Variants in SCAMP4 observed in about 807,000 individuals in gnomAD.
SCAMP4 encodes the protein secretory carrier membrane protein 4, also known as secretory carrier-associated membrane protein 4.
SCAMP4 carries 19 observed loss-of-function variants against 32.1 expected under a neutral mutation model. The observed-to-expected ratio is 0.59, with a 90% CI of 0.41 to 0.87. SCAMP4 has a LOEUF of 0.87. SCAMP4 is among the 40% of genes least tolerant of loss of function. The pLI, the probability that SCAMP4 is intolerant of heterozygous loss-of-function variation, is 0.00. For missense variants in SCAMP4, 302 were observed against 309.0 expected (o/e 0.98, Z 0.17); for synonymous variants, 152 against 132.7 (o/e 1.15, Z -1.00).
In SCAMP4 at chr19:1,908,921, A is replaced by G. The variant is rs903729291; in HGVS notation, c.-42+3482A>G. ...GAGTTCCAAGACCAGCCTGGCCAAC[A>G]TGGTGGAACCCCGTCTCTACTGAAA... On this transcript the variant is annotated intron_variant, in intron 1 of 6. Coordinates refer to ENST00000316097, the MANE Select transcript of SCAMP4 (RefSeq NM_079834.4). This position sits in a 1 kb window ranked among gnomAD's most constrained non-coding sequence, Gnocchi z 4.2. Among the ~76,000 whole-genome samples, 2 of 151,914 alleles carry G rather than the reference A, an allele frequency of 1.3e-5. No individual in the cohort carries two copies. The highest frequency in any genetic ancestry group is 4.8e-5 in the African/African-American group (2 of 41,342).
intron 1 of SCAMP4, among the ~76,000 whole-genome samples, chr19:1,910,332 C>T (rs2013376563): frequency 6.6e-6 from 1 of 152,188 alleles, no homozygotes; most frequent in Non-Finnish European, 1.5e-5. Flanking sequence ...GCCACATGGC[C>T]CTTCTGTCTG....
At chr19:1,912,245 C>T in intron 1 of SCAMP4, 1 of 1,597,458 alleles carries the variant, frequency 6.3e-7, no homozygotes, top group Non-Finnish European at 8.5e-7. Context: ...CCGCGCCCGT[C>T]CTGGACAAGC....
At chr19:1,919,173 GCACCCAGC>G (rs1175698873) in intron 5 of SCAMP4, 183 bp downstream of exon 5, 7 of 1,428,248 alleles carry the variant, frequency 4.9e-6, no homozygotes, top group Non-Finnish European at 6.4e-6. Flanking sequence ...GTCCTCGCCA[GCACCCAGC>G]CATGGTTCGC....
At position 1,924,613 on chromosome 19, in the gene SCAMP4, GGGGGA is replaced by G; in HGVS notation, c.*330_*334del. ...TCTTCAGGTCTCGAGGCCTGACTCC[GGGGGA>G]CAGGTGGCAGCAGGTCGGCCGCCCT... On this transcript the variant is annotated 3_prime_UTR_variant, in exon 7 of 7. Coordinates refer to ENST00000316097, the MANE Select transcript of SCAMP4 (RefSeq NM_079834.4). The G allele has an allele frequency of 3.1e-6, 1 of 325,796 alleles. No individual in the cohort carries two copies. The highest frequency in any genetic ancestry group is 3.8e-5 in the South Asian group (1 of 26,454). 20.2% of individuals were successfully genotyped at this position (325,796 alleles called of 1,614,324 possible). A position where few individuals can be genotyped will look rare whatever the true frequency, so the allele number is the denominator to read the frequency against.
intron 5 of SCAMP4, chr19:1,920,095 G>A: frequency 4.7e-5 from 46 of 981,970 alleles, no homozygotes; most frequent in Non-Finnish European, 5.6e-5. Flanking sequence ...ACAGGCGTGA[G>A]CCACTGTGCC....
At chr19:1,917,279 C>T (rs2013762998) in intron 2 of SCAMP4, among the ~76,000 whole-genome samples, 1 of 152,178 alleles carries the variant, frequency 6.6e-6, no homozygotes, top group African/African-American at 2.4e-5. Flanking sequence ...GCCCTCTAGC[C>T]TGGGAGACAG....
chr19:1,920,607 C>G (rs893651700), intron 5 of SCAMP4: 2 of 985,352 alleles, frequency 2.0e-6, no homozygotes, highest in Non-Finnish European at 2.4e-6. Flanking sequence ...GCCTGGGACT[C>G]CCAGCTCTGC....
intron 5 of SCAMP4, chr19:1,919,559 C>T (rs1213399373): frequency 3.1e-6 from 2 of 641,286 alleles, no homozygotes; most frequent in African/African-American, 4.3e-5. Context: ...CGCAGTGGTG[C>T]AATCTCAGCT....
chr19:1,915,291 C>A, intron 2 of SCAMP4: 1 of 576,098 alleles, frequency 1.7e-6, no homozygotes, highest in South Asian at 2.0e-5. Context: ...ATCACAGCTG[C>A]TCTTTCCTTA....
At chr19:1,923,766 C>A (rs1342695663) in intron 6 of SCAMP4, among the ~76,000 whole-genome samples, 2 of 120,204 alleles carry the variant, frequency 1.7e-5, no homozygotes, top group Non-Finnish European at 3.4e-5. Flanking sequence ...CTACAGGCGC[C>A]CGCTACCGCA....
chr19:1,911,942 G>A, intron 1 of SCAMP4: 1 of 1,364,910 alleles, frequency 7.3e-7, no homozygotes. Context: ...CTGGGCCGGA[G>A]CCCTCGGACT....
chr19:1,923,277 C>T (rs561124066), intron 6 of SCAMP4, 90 bp downstream of exon 6: 92 of 1,135,948 alleles, frequency 8.1e-5, no homozygotes, highest in Admixed American at 2.5e-5. Flanking sequence ...CGTCGAGGAG[C>T]CGGGCCCTCT....
chr19:1,921,523 A>G (rs1400840998), intron 5 of SCAMP4: 6 of 985,444 alleles, frequency 6.1e-6, no homozygotes, highest in Non-Finnish European at 7.2e-6. Flanking sequence ...CATGCAGCCC[A>G]CTGACAGTGT....
intron 2 of SCAMP4, among the ~76,000 whole-genome samples, chr19:1,916,890 T>C (rs4807167): frequency 0.92 from 140,241 of 152,364 alleles, 64,607 homozygotes; most frequent in Non-Finnish European, 0.93. Flanking sequence ...TTGGCGTCCC[T>C]GCCTGCCGGA....
chr19:1,911,129 C>T (rs747945263), intron 1 of SCAMP4, among the ~76,000 whole-genome samples: 19 of 152,142 alleles, frequency 1.2e-4, no homozygotes, highest in Non-Finnish European at 2.5e-4. Context: ...CCTGCCTCGG[C>T]CTCCCAAAGT....
intron 1 of SCAMP4, chr19:1,912,806 C>T: frequency 1.3e-6 from 2 of 1,579,414 alleles, no homozygotes; most frequent in East Asian, 2.3e-5. Flanking sequence ...GCGGCCAGGG[C>T]CGCGGCACCT....
At chr19:1,916,636 T>G (rs2013742488) in intron 2 of SCAMP4, among the ~76,000 whole-genome samples, 1 of 151,992 alleles carries the variant, frequency 6.6e-6, no homozygotes, top group East Asian at 1.9e-4. Flanking sequence ...TTTTTGTAGT[T>G]TTTGTAGAGT....
Position 1,908,172 on chromosome 19 carries a change from A to G in SCAMP4, c.-42+2733A>G. The G allele has an allele frequency of 3.7e-6, 1 of 269,672 alleles. No homozygotes were observed. The highest frequency in any genetic ancestry group is 7.3e-6 in the Non-Finnish European group (1 of 136,220). The allele number at this position is 269,672 out of a possible 1,614,324, so 16.7% of individuals were successfully genotyped here. A position where few individuals can be genotyped will look rare whatever the true frequency, so the allele number is the denominator to read the frequency against. On this transcript the variant is annotated intron_variant, in intron 1 of 6. Transcript: ENST00000316097. This position sits in a 1 kb window ranked among gnomAD's most constrained non-coding sequence, Gnocchi z 4.2. The stretch of plus-strand genomic sequence containing the variant: ...CGTGGTGTGCGTTTTGGGAGGGCCC[A>G]GCGAGTCGGCTGCTATGGGCCCCAC...
In SCAMP4 at chr19:1,914,970, T is replaced by C; in HGVS notation, c.-41-9T>C. The stretch of plus-strand genomic sequence containing the variant: ...CAGGGTTCCCTGACTGTGGTTGTCT[T>C]CCTTCCAGGCGGCTGCAGGCTTCAG... On this transcript the variant is annotated splice_polypyrimidine_tract_variant and intron_variant, in intron 1 of 6. Transcript: ENST00000316097. The C allele has an allele frequency of 2.5e-6, 4 of 1,613,304 alleles. No individual in the cohort carries two copies. Among genetic ancestry groups the C allele is most frequent in the Non-Finnish European group, 3.4e-6 (4 of 1,179,284 alleles).
Sources: gnomAD v4.1 joint callset for allele counts (sites outside exome capture counted in the v4.1 genomes callset) on GRCh38, gnomAD v4.1.1 for gene constraint, Gnocchi (gnomAD v3.1) non-coding constraint, MANE v1.5 for transcripts, NCBI Gene and HGNC (gene_info 2026-07-23, HGNC 2026-07-21) for gene names.